Variants in PLCB1 observed in about 807,000 individuals in gnomAD.
PLCB1 encodes phospholipase C beta 1.
A neutral mutation model predicts 161.8 loss-of-function variants in PLCB1; 46 were observed. That is an observed-to-expected ratio of 0.28 (90% CI 0.22 to 0.36). The LOEUF is 0.36. Among genes scored for constraint, PLCB1 ranks in the 10% least tolerant of loss-of-function variants. The pLI, the probability that PLCB1 is intolerant of heterozygous loss-of-function variation, is 1.00. For synonymous variants in PLCB1, 517 were observed against 503.7 expected (o/e 1.03, Z -0.35); for missense variants, 1,016 against 1,472.5 (o/e 0.69, Z 5.07).
intron 2 of PLCB1, among the ~76,000 whole-genome samples, chr20:8,212,901 A>G (rs1978909590): frequency 1.3e-5 from 2 of 152,052 alleles, no homozygotes; most frequent in African/African-American, 2.4e-5. Context: ...CATGAAAGCT[A>G]TATCAAAAGT....
chr20:8,556,164 A>G (rs1400037248), intron 3 of PLCB1, among the ~76,000 whole-genome samples: 1 of 152,046 alleles, frequency 6.6e-6, no homozygotes, highest in East Asian at 1.9e-4. Flanking sequence ...AGTAGGAAAG[A>G]TGGCGGCCAC....
At chr20:8,876,057 T>C (rs1252136872) in intron 31 of PLCB1, among the ~76,000 whole-genome samples, 1 of 152,154 alleles carries the variant, frequency 6.6e-6, no homozygotes, top group African/African-American at 2.4e-5. Context: ...CTTGACCGTA[T>C]TGCCTTTTCC....
At chr20:8,699,501 T>G (rs1990652733) in intron 11 of PLCB1, among the ~76,000 whole-genome samples, 1 of 152,140 alleles carries the variant, frequency 6.6e-6, no homozygotes, top group Non-Finnish European at 1.5e-5. Context: ...AGGATTTTTT[T>G]TTAAAGAAGA....
chr20:8,391,101 T>G (rs1007827687), intron 3 of PLCB1, among the ~76,000 whole-genome samples: 6 of 151,494 alleles, frequency 4.0e-5, no homozygotes, highest in African/African-American at 1.4e-4. Flanking sequence ...ATAATTTACC[T>G]ATTTACCATA....
chr20:8,596,067 T>G (rs1239571891), intron 3 of PLCB1, among the ~76,000 whole-genome samples: 2 of 151,208 alleles, frequency 1.3e-5, no homozygotes, highest in Non-Finnish European at 3.0e-5. Flanking sequence ...TTCACACTGA[T>G]GGTAGTTTCT....
chr20:8,592,585 A>G (rs1436372781), intron 3 of PLCB1, among the ~76,000 whole-genome samples: 1 of 152,166 alleles, frequency 6.6e-6, no homozygotes, highest in Non-Finnish European at 1.5e-5. Context: ...AAGGGGCCTG[A>G]GAGGGTCTTT....
At chr20:8,512,362 C>G (rs2122854171) in intron 3 of PLCB1, among the ~76,000 whole-genome samples, 1 of 152,162 alleles carries the variant, frequency 6.6e-6, no homozygotes, top group African/African-American at 2.4e-5. Flanking sequence ...ATGTATTTCA[C>G]ATATTTTTAA....
chr20:8,558,499 GA>G (rs1248898735), intron 3 of PLCB1, among the ~76,000 whole-genome samples: 1 of 151,234 alleles, frequency 6.6e-6, no homozygotes, highest in African/African-American at 2.4e-5. Context: ...TGAGGAGAGA[GA>G]AAAAAAGGCA....
At chr20:8,679,414 A>G (rs747667304) in intron 9 of PLCB1, among the ~76,000 whole-genome samples, 16 of 152,294 alleles carry the variant, frequency 1.1e-4, no homozygotes, top group Admixed American at 5.2e-4. Flanking sequence ...TGCAAGGCCA[A>G]TGGGATGGCC....
At chr20:8,532,673 G>C (rs141217951) in intron 3 of PLCB1, among the ~76,000 whole-genome samples, 1 of 151,988 alleles carries the variant, frequency 6.6e-6, no homozygotes, top group Non-Finnish European at 1.5e-5. Context: ...AGATAATCCC[G>C]GTTACACTTC....
At chr20:8,695,712 T>C (rs1990570764) in intron 10 of PLCB1, among the ~76,000 whole-genome samples, 1 of 152,178 alleles carries the variant, frequency 6.6e-6, no homozygotes, top group South Asian at 2.1e-4. Flanking sequence ...AAAGAAAAAC[T>C]TTTAAAAAAA....
At chr20:8,480,428 G>T (rs1317246227) in intron 3 of PLCB1, among the ~76,000 whole-genome samples, 1 of 152,168 alleles carries the variant, frequency 6.6e-6, no homozygotes, top group Non-Finnish European at 1.5e-5. Flanking sequence ...AAGTGGGAAG[G>T]AGATGTTCTG....
chr20:8,244,341 TCAA>T (rs1029601432), intron 2 of PLCB1, among the ~76,000 whole-genome samples: 5 of 152,026 alleles, frequency 3.3e-5, no homozygotes, highest in African/African-American at 9.6e-5. Flanking sequence ...AAATTATTTA[TCAA>T]CAATTGGATA....
intron 31 of PLCB1, among the ~76,000 whole-genome samples, chr20:8,814,237 T>C (rs757769577): frequency 3.9e-5 from 6 of 152,182 alleles, no homozygotes; most frequent in Non-Finnish European, 5.9e-5. Context: ...AGTATAGATG[T>C]GTGTGGTGTT....
chr20:8,401,506 G>C (rs1978549499), intron 3 of PLCB1, among the ~76,000 whole-genome samples: 1 of 152,130 alleles, frequency 6.6e-6, no homozygotes, highest in South Asian at 2.1e-4. Flanking sequence ...TTTTATGACA[G>C]TGACAAAGGA....
intron 31 of PLCB1, among the ~76,000 whole-genome samples, chr20:8,800,200 T>G (rs1984217918): frequency 6.6e-6 from 1 of 152,190 alleles, no homozygotes; most frequent in Non-Finnish European, 1.5e-5. Context: ...TCCTTCCAAA[T>G]AGGAAAGCAG....
intron 2 of PLCB1, among the ~76,000 whole-genome samples, chr20:8,214,706 G>A (rs1183537892): frequency 2.0e-5 from 3 of 152,050 alleles, no homozygotes; most frequent in African/African-American, 7.2e-5. Context: ...AAGACCTAAT[G>A]TCACCTCATT....
At chr20:8,262,301 G>A (rs1214928798) in intron 2 of PLCB1, among the ~76,000 whole-genome samples, 4 of 151,950 alleles carry the variant, frequency 2.6e-5, no homozygotes, top group Admixed American at 2.6e-4. Flanking sequence ...ATGTTGGTCA[G>A]GCTGGTCTCG....
chr20:8,190,251 A>C (rs115128010), intron 2 of PLCB1, among the ~76,000 whole-genome samples: 80 of 152,222 alleles, frequency 5.3e-4, no homozygotes, highest in African/African-American at 1.9e-3. Context: ...AAACCTGGTT[A>C]ATAATTAAGC....
Sources: gnomAD v4.1 joint callset for allele counts (sites outside exome capture counted in the v4.1 genomes callset) on GRCh38, gnomAD v4.1.1 for gene constraint, MANE v1.5 for transcripts, NCBI Gene and HGNC (gene_info 2026-07-23, HGNC 2026-07-21) for gene names.